The following TMEM74 variants were observed in gnomAD, a reference collection of about 807,000 sequenced individuals.
TMEM74 encodes the protein transmembrane protein 74.
Under a neutral mutation model 18.1 loss-of-function variants are expected in TMEM74, and 13 were observed. The observed-to-expected ratio is 0.72, with a 90% CI of 0.47 to 1.14. The LOEUF is 1.14. Ranked by LOEUF, TMEM74 falls within the 50% of genes most tolerant of loss-of-function variation. The pLI, the probability that TMEM74 is intolerant of heterozygous loss-of-function variation, is 0.00. For missense variants in TMEM74, 372 were observed against 375.9 expected (o/e 0.99, Z 0.09); for synonymous variants, 159 against 146.6 (o/e 1.08, Z -0.61).
chr8:108,692,386 C>T (rs1246748641), intron 1 of TMEM74, among the ~76,000 whole-genome samples: 2 of 152,178 alleles, frequency 1.3e-5, no homozygotes, highest in African/African-American at 2.4e-5. Context: ...CAGGGTGTCA[C>T]ATGTGAGTGG....
At chr8:108,734,077 C>T (rs929656442) in intron 1 of TMEM74, among the ~76,000 whole-genome samples, 1 of 152,144 alleles carries the variant, frequency 6.6e-6, no homozygotes, top group Non-Finnish European at 1.5e-5. Flanking sequence ...AGGACATTGG[C>T]ATGTGAGTCA....
chr8:108,615,704 AT>A (rs1434919417), intron 2 of TMEM74, among the ~76,000 whole-genome samples: 2 of 152,010 alleles, frequency 1.3e-5, no homozygotes, highest in Non-Finnish European at 2.9e-5. Context: ...AAGGTTTATC[AT>A]GCTGAAGACC....
intron 1 of TMEM74, among the ~76,000 whole-genome samples, chr8:108,717,942 GT>G (rs869263977): frequency 8.7e-5 from 4 of 45,922 alleles, no homozygotes; most frequent in South Asian, 1.0e-3. Context: ...TCTGACTTAG[GT>G]TTTTTTTTTT....
chr8:108,623,647 G>T (rs540810916), intron 2 of TMEM74, among the ~76,000 whole-genome samples: 2 of 152,136 alleles, frequency 1.3e-5, no homozygotes, highest in Non-Finnish European at 2.9e-5. Flanking sequence ...TCAGTTGCAA[G>T]TGCAAATAGA....
chr8:108,737,489 G>A (rs1415617965), intron 1 of TMEM74, among the ~76,000 whole-genome samples: 1 of 152,108 alleles, frequency 6.6e-6, no homozygotes, highest in Non-Finnish European at 1.5e-5. Context: ...ATAATTTGTT[G>A]ATGAGATTAA....
chr8:108,767,194 T>C (rs956652822), intron 1 of TMEM74, among the ~76,000 whole-genome samples: 1 of 152,200 alleles, frequency 6.6e-6, no homozygotes, highest in African/African-American at 2.4e-5. Flanking sequence ...CTTTCATCTA[T>C]ACACAGAATG....
intron 1 of TMEM74, among the ~76,000 whole-genome samples, chr8:108,671,952 T>C (rs1813009203): frequency 6.6e-6 from 1 of 152,204 alleles, no homozygotes; most frequent in South Asian, 2.1e-4. Context: ...TTTAGTATTA[T>C]TCTGTATGGG....
chr8:108,673,126 G>C lies in TMEM74; in HGVS notation n.120-17689C>G, dbSNP rs185534427. ...TTGGATCCACTGTATTTCATGAAAAGAATGCCCAAGGAAGTAATAGCATGG... is the reference window on the plus strand; with the variant it reads ...TTGGATCCACTGTATTTCATGAAAACAATGCCCAAGGAAGTAATAGCATGG... On this transcript the variant is annotated intron_variant and non_coding_transcript_variant, in intron 1 of 3. Coordinates refer to the TMEM74 transcript ENST00000518838. 1.4e-3 allele frequency among the ~76,000 whole-genome samples: 216 copies of C among 152,266 alleles called. 1 individual carries two copies. The highest frequency in any genetic ancestry group is 4.5e-3 in the African/African-American group (188 of 41,556).
chr8:108,684,856 G>A (rs988126841), intron 1 of TMEM74, among the ~76,000 whole-genome samples: 4 of 151,602 alleles, frequency 2.6e-5, no homozygotes, highest in African/African-American at 9.7e-5. Flanking sequence ...TATATTTTAC[G>A]ATCTAGGTGT....
chr8:108,720,437 G>A (rs1813574389), intron 1 of TMEM74, among the ~76,000 whole-genome samples: 1 of 152,160 alleles, frequency 6.6e-6, no homozygotes, highest in African/African-American at 2.4e-5. Flanking sequence ...AACCTATTAT[G>A]AGATGCCACC....
intron 1 of TMEM74, among the ~76,000 whole-genome samples, chr8:108,734,765 A>G (rs1226219717): frequency 6.6e-6 from 1 of 152,166 alleles, no homozygotes; most frequent in Non-Finnish European, 1.5e-5. Context: ...CCTCGCATCA[A>G]TTCAACCGGG....
chr8:108,647,736 C>A (rs1269469442), intron 2 of TMEM74, among the ~76,000 whole-genome samples: 1 of 151,922 alleles, frequency 6.6e-6, no homozygotes, highest in Non-Finnish European at 1.5e-5. Flanking sequence ...AAACTAAGAG[C>A]CATTTTTTTG....
intron 2 of TMEM74, among the ~76,000 whole-genome samples, chr8:108,641,927 TATC>T (rs1812669017): frequency 6.6e-6 from 1 of 152,088 alleles, no homozygotes; most frequent in South Asian, 2.1e-4. Context: ...CAGGGAATAA[TATC>T]AGTGTAATAT....
intron 1 of TMEM74, among the ~76,000 whole-genome samples, chr8:108,744,319 C>A (rs1237076830): frequency 2.0e-5 from 3 of 152,064 alleles, no homozygotes; most frequent in Non-Finnish European, 4.4e-5. Context: ...ATGGTAACAA[C>A]CAAAATGAGT....
At chr8:108,748,278 C>T (rs892966408) in intron 1 of TMEM74, among the ~76,000 whole-genome samples, 5 of 152,134 alleles carry the variant, frequency 3.3e-5, no homozygotes, top group Admixed American at 1.3e-4. Context: ...GAGACGGTAT[C>T]TCACTGTGGT....
chr8:108,610,092 C>T (rs1161630009), intron 2 of TMEM74, among the ~76,000 whole-genome samples: 1 of 152,176 alleles, frequency 6.6e-6, no homozygotes, highest in Non-Finnish European at 1.5e-5. Context: ...ATCCCCTACC[C>T]AAAGATTTTG....
intron 1 of TMEM74, among the ~76,000 whole-genome samples, chr8:108,753,657 GC>G (rs1231768720): frequency 9.9e-5 from 15 of 152,042 alleles, no homozygotes; most frequent in Non-Finnish European, 2.2e-4. Context: ...TACTCTGGCT[GC>G]TTTAATGTTT....
chr8:108,617,732 G>A (rs75464790), intron 2 of TMEM74, among the ~76,000 whole-genome samples: 1 of 152,090 alleles, frequency 6.6e-6, no homozygotes, highest in Middle Eastern at 3.4e-3. Context: ...GAGAGAAAGT[G>A]GGGGAATCAA....
At chr8:108,631,365 G>T (rs1482197641) in intron 2 of TMEM74, among the ~76,000 whole-genome samples, 2 of 151,930 alleles carry the variant, frequency 1.3e-5, no homozygotes, top group Non-Finnish European at 2.9e-5. Context: ...GATTCTGTTA[G>T]GTCACCTGGG....
Sources: allele counts gnomAD v4.1 joint callset (sites outside exome capture counted in the v4.1 genomes callset), GRCh38; gene constraint gnomAD v4.1.1; transcripts MANE v1.5; gene names NCBI Gene and HGNC (gene_info 2026-07-23, HGNC 2026-07-21).